Variants in BCAS3 observed in about 807,000 individuals in gnomAD.
The protein encoded by BCAS3 is BCAS4/BCAS3 fusion.
In BCAS3, 53 loss-of-function variants were observed where a neutral mutation model predicts 116.1. The observed-to-expected ratio is 0.46, with a 90% CI of 0.37 to 0.57. The LOEUF (loss-of-function observed/expected upper bound fraction) is 0.57. BCAS3 is among the 20% of genes least tolerant of loss of function. The pLI, the probability that BCAS3 is intolerant of heterozygous loss-of-function variation, is 0.00. For synonymous variants in BCAS3, 391 were observed against 408.2 expected (o/e 0.96, Z 0.51); for missense variants, 917 against 1,165.4 (o/e 0.79, Z 3.10).
chr17:61,250,468 G>C (rs1317971973), intron 22 of BCAS3, among the ~76,000 whole-genome samples: 1 of 152,312 alleles, frequency 6.6e-6, no homozygotes, highest in African/African-American at 2.4e-5. Flanking sequence ...TAGAAACCAA[G>C]GTTGTAACTG....
At position 61,388,393 on chromosome 17, in the gene BCAS3, G is replaced by T; in HGVS notation, c.2594-3584G>T. The T allele has an allele frequency of 2.1e-6, 1 of 485,830 alleles. No individual in the cohort carries two copies. Among genetic ancestry groups the T allele is most frequent in the Non-Finnish European group, 3.7e-6 (1 of 270,540 alleles). 30.1% of individuals were successfully genotyped at this position (485,830 alleles called of 1,614,324 possible). On this transcript the variant is annotated intron_variant, in intron 23 of 23. Coordinates refer to ENST00000407086, the MANE Select transcript of BCAS3 (RefSeq NM_017679.5). The surrounding 1 kb of genome is among the most constrained non-coding windows in gnomAD (Gnocchi z 6.5). ...CTCCCCCACTCTGAACGGGGTCTTG[G>T]CCCCCTCTGTCACAGCAGATCCATC...
Position 60,923,510 on chromosome 17 carries a change from A to G in BCAS3, c.994-897A>G, listed in dbSNP as rs1480894075. Among the ~76,000 whole-genome samples the G allele has an allele frequency of 2.0e-5, 3 of 152,186 alleles. No homozygotes were observed. In the East Asian group the frequency reaches 5.8e-4, roughly 29 times the overall value. On this transcript the variant is annotated intron_variant, in intron 12 of 23. Coordinates refer to ENST00000407086, the MANE Select transcript of BCAS3 (RefSeq NM_017679.5). ...TTATATTCTGAGCTCTAAGCAGAGT[A>G]TTTTACACATAGTAAGACTTGACTC...
intron 22 of BCAS3, among the ~76,000 whole-genome samples, chr17:61,254,943 C>T (rs534298882): frequency 6.6e-6 from 1 of 152,164 alleles, no homozygotes; most frequent in South Asian, 2.1e-4. Context: ...TTAGCTTTTT[C>T]CTTTTAAATT....
rs773157103 is a variant in BCAS3 at position 61,020,279 on chromosome 17, G to A, written c.1637+4378G>A. ...CAAATACATATGCCTGAAAGCCTGT[G>A]CAGTGTCAGGGACCATCTGTCTCAC... On this transcript the variant is annotated intron_variant, in intron 16 of 23. Coordinates refer to ENST00000407086, the MANE Select transcript of BCAS3 (RefSeq NM_017679.5). The surrounding 1 kb of genome is among the most constrained non-coding windows in gnomAD (Gnocchi z 4.5). Among the ~76,000 whole-genome samples, 25 of 152,302 alleles carry A rather than the reference G, an allele frequency of 1.6e-4. 1 individual carries two copies. Among genetic ancestry groups the A allele is most frequent in the South Asian group, 8.3e-4 (4 of 4,826 alleles).
chr17:60,823,557 C>G (rs2050136716), intron 7 of BCAS3, among the ~76,000 whole-genome samples: 1 of 152,042 alleles, frequency 6.6e-6, no homozygotes, highest in South Asian at 2.1e-4. Flanking sequence ...GAGTGAGACT[C>G]TGTCTCTTAC....
chr17:61,193,894 A>C (rs572003988), intron 22 of BCAS3, among the ~76,000 whole-genome samples: 2 of 150,848 alleles, frequency 1.3e-5, no homozygotes, highest in Non-Finnish European at 1.5e-5. Flanking sequence ...AAGTGGGCGG[A>C]TTGCTTGAGG....
intron 10 of BCAS3, among the ~76,000 whole-genome samples, chr17:60,899,526 C>T (rs2057739171): frequency 6.6e-6 from 1 of 152,082 alleles, no homozygotes; most frequent in Admixed American, 6.5e-5. Context: ...GAGATGGAGT[C>T]TCGCTCTGTT....
At chr17:60,947,985 C>T (rs548401913) in intron 14 of BCAS3, among the ~76,000 whole-genome samples, 2 of 152,306 alleles carry the variant, frequency 1.3e-5, no homozygotes, top group East Asian at 1.9e-4. Context: ...CAGATAATCA[C>T]GTACACGTGC....
rs940877347 is a variant in BCAS3 at position 61,186,005 on chromosome 17, T to A, written c.2425+101441T>A. The stretch of plus-strand genomic sequence containing the variant: ...CTTGTATACACAGAATTTAGTTTCA[T>A]CCGTACATTTACTAAATAGTTCCTT... On this transcript the variant is annotated intron_variant, in intron 22 of 23. Coordinates refer to ENST00000407086, the MANE Select transcript of BCAS3 (RefSeq NM_017679.5). The surrounding 1 kb of genome is among the most constrained non-coding windows in gnomAD (Gnocchi z 4.9). Among the ~76,000 whole-genome samples the A allele has an allele frequency of 1.3e-5, 2 of 152,212 alleles. No individual in the cohort carries two copies. The highest frequency in any genetic ancestry group is 2.9e-5 in the Non-Finnish European group (2 of 68,022).
chr17:60,802,551 T>A (rs2047908597), intron 6 of BCAS3, among the ~76,000 whole-genome samples: 2 of 152,150 alleles, frequency 1.3e-5, no homozygotes, highest in Non-Finnish European at 2.9e-5. Flanking sequence ...TAGTATTAGA[T>A]ACTTTCCAGA....
chr17:60,747,796 GTGGAGTTT>G (rs1215376896), intron 6 of BCAS3, among the ~76,000 whole-genome samples: 2 of 152,172 alleles, frequency 1.3e-5, no homozygotes, highest in Non-Finnish European at 2.9e-5. Flanking sequence ...TATGTCAGAA[GTGGAGTTT>G]TGGGCTTTTA....
intron 20 of BCAS3, among the ~76,000 whole-genome samples, chr17:61,076,291 G>T (rs2071980472): frequency 6.6e-6 from 1 of 152,142 alleles, no homozygotes; most frequent in Non-Finnish European, 1.5e-5. Flanking sequence ...AAAATGTGGA[G>T]GCCATTTGTA....
chr17:61,292,975 G>A (rs2052575346), intron 22 of BCAS3, among the ~76,000 whole-genome samples: 1 of 152,014 alleles, frequency 6.6e-6, no homozygotes, highest in Admixed American at 6.6e-5. Flanking sequence ...GTTCAAATAA[G>A]CCAGAAGAAG....
At position 61,065,105 on chromosome 17, in the gene BCAS3, A is replaced by C. The variant is rs2070474255; in HGVS notation, c.2030-9815A>C. Among the ~76,000 whole-genome samples the C allele has an allele frequency of 6.6e-6, 1 of 152,138 alleles. No homozygotes were observed. Among genetic ancestry groups the C allele is most frequent in the Non-Finnish European group, 1.5e-5 (1 of 68,010 alleles). ...CCTTTTTTTAGTCATTTAAAAAATC[A>C]CACTTTAATTTTTGCCACTTTGATA... On this transcript the variant is annotated intron_variant, in intron 19 of 23. Transcript: ENST00000407086. This position sits in a 1 kb window ranked among gnomAD's most constrained non-coding sequence, Gnocchi z 4.8.
At chr17:60,903,010 T>C (rs769202050) in intron 11 of BCAS3, among the ~76,000 whole-genome samples, 31 of 152,240 alleles carry the variant, frequency 2.0e-4, no homozygotes, top group Non-Finnish European at 4.1e-4. Context: ...TTATTCCCTA[T>C]GAAAACTTGA....
In BCAS3 at chr17:61,214,027, C is replaced by G. The variant is rs1376355716; in HGVS notation, c.2425+129463C>G. 6.6e-6 allele frequency among the ~76,000 whole-genome samples: 1 copy of G among 152,034 alleles called. No individual in the cohort carries two copies. The highest frequency in any genetic ancestry group is 1.5e-5 in the Non-Finnish European group (1 of 68,016). ...CTGCACAGTAGGCTGGAGATTCTAC[C>G]TAACCTCACAGGACTCCTAGCATGG... On this transcript the variant is annotated intron_variant, in intron 22 of 23. Transcript: ENST00000407086. This position sits in a 1 kb window ranked among gnomAD's most constrained non-coding sequence, Gnocchi z 4.4.
At chr17:61,303,652 G>T (rs182689898) in intron 22 of BCAS3, among the ~76,000 whole-genome samples, 1 of 152,334 alleles carries the variant, frequency 6.6e-6, no homozygotes, top group Admixed American at 6.5e-5. Flanking sequence ...GTACACGGCA[G>T]TGTGCACCCT....
intron 9 of BCAS3, among the ~76,000 whole-genome samples, chr17:60,884,763 A>G (rs2056488312): frequency 6.9e-6 from 1 of 145,132 alleles, no homozygotes; most frequent in African/African-American, 2.6e-5. Flanking sequence ...TTTGAGTGAG[A>G]TTCTTAATCC....
At chr17:60,970,812 A>G (rs1202159032) in intron 14 of BCAS3, among the ~76,000 whole-genome samples, 1 of 152,224 alleles carries the variant, frequency 6.6e-6, no homozygotes, top group African/African-American at 2.4e-5. Context: ...TGATTTTAAT[A>G]CCACTTTCTT....
Sources: gnomAD v4.1 joint callset for allele counts (sites outside exome capture counted in the v4.1 genomes callset) on GRCh38, gnomAD v4.1.1 for gene constraint, Gnocchi (gnomAD v3.1) non-coding constraint, MANE v1.5 for transcripts, NCBI Gene and HGNC (gene_info 2026-07-23, HGNC 2026-07-21) for gene names.